TRAPPC9: variants seen among roughly 807,000 people sequenced by gnomAD.
The protein encoded by TRAPPC9 is IKK2 binding protein.
Under a neutral mutation model 124.0 loss-of-function variants are expected in TRAPPC9, and 83 were observed. The observed-to-expected ratio is 0.67, with a 90% CI of 0.56 to 0.80. The LOEUF is 0.80. TRAPPC9 is among the 30% of genes least tolerant of loss of function. The pLI is 0.00. For missense variants in TRAPPC9, 1,302 were observed against 1,508.3 expected (o/e 0.86, Z 2.27); for synonymous variants, 638 against 617.5 (o/e 1.03, Z -0.49).
intron 16 of TRAPPC9, among the ~76,000 whole-genome samples, chr8:140,236,099 T>G (rs7837184): frequency 7.0e-6 from 1 of 141,930 alleles, no homozygotes; most frequent in Non-Finnish European, 1.5e-5. Context: ...TTTTTTTTTT[T>G]TGAGACAGAG....
chr8:139,759,441 T>C (rs897974740), intron 21 of TRAPPC9, among the ~76,000 whole-genome samples: 2 of 152,130 alleles, frequency 1.3e-5, no homozygotes, highest in African/African-American at 4.8e-5. Context: ...TTGGCCAGGC[T>C]GAAAGGTCAA....
intron 16 of TRAPPC9, among the ~76,000 whole-genome samples, chr8:140,225,275 A>G (rs940486175): frequency 6.6e-6 from 1 of 152,198 alleles, no homozygotes; most frequent in Non-Finnish European, 1.5e-5. Flanking sequence ...AGCCCTCAGT[A>G]AATAGTAACT....
At chr8:140,445,265 C>T (rs2071203286) in intron 2 of TRAPPC9, among the ~76,000 whole-genome samples, 1 of 152,214 alleles carries the variant, frequency 6.6e-6, no homozygotes, top group South Asian at 2.1e-4. Context: ...AAGTATATCA[C>T]AGCTTCGTGC....
At chr8:139,754,743 C>A (rs1819581220) in intron 21 of TRAPPC9, among the ~76,000 whole-genome samples, 1 of 152,214 alleles carries the variant, frequency 6.6e-6, no homozygotes, top group South Asian at 2.1e-4. Flanking sequence ...TCCAGAGACG[C>A]CCCCACCCCG....
chr8:140,072,519 A>G (rs1356070582), intron 17 of TRAPPC9, among the ~76,000 whole-genome samples: 3 of 142,102 alleles, frequency 2.1e-5, no homozygotes, highest in Non-Finnish European at 4.7e-5. Context: ...CTCCGTCTCA[A>G]AAAAAAAAGG....
intron 20 of TRAPPC9, among the ~76,000 whole-genome samples, chr8:139,895,305 A>G (rs1830598781): frequency 6.6e-6 from 1 of 152,228 alleles, no homozygotes; most frequent in African/African-American, 2.4e-5. Context: ...ATTGCCTATG[A>G]AATAATATGA....
At chr8:139,865,240 C>A (rs1478411053) in intron 21 of TRAPPC9, among the ~76,000 whole-genome samples, 1 of 152,204 alleles carries the variant, frequency 6.6e-6, no homozygotes, top group African/African-American at 2.4e-5. Flanking sequence ...TCTCCCACAG[C>A]AGAAGGAATC....
intron 17 of TRAPPC9, among the ~76,000 whole-genome samples, chr8:140,103,684 C>A (rs968139981): frequency 2.4e-4 from 36 of 152,192 alleles, no homozygotes; most frequent in African/African-American, 7.0e-4. Context: ...ACTAATGATA[C>A]CTTCATGACT....
chr8:140,199,246 T>G (rs1171990842), intron 17 of TRAPPC9, among the ~76,000 whole-genome samples: 1 of 152,016 alleles, frequency 6.6e-6, no homozygotes, highest in African/African-American at 2.4e-5. Context: ...GGGTCTGTAT[T>G]TCCGACAGGT....
chr8:140,186,671 C>T (rs2062361560), intron 17 of TRAPPC9, among the ~76,000 whole-genome samples: 1 of 152,078 alleles, frequency 6.6e-6, no homozygotes, highest in Admixed American at 6.6e-5. Flanking sequence ...GTATACTTCA[C>T]CAAATACGAG....
chr8:139,893,274 T>C (rs1830459807), intron 20 of TRAPPC9, among the ~76,000 whole-genome samples: 1 of 152,218 alleles, frequency 6.6e-6, no homozygotes, highest in Admixed American at 6.5e-5. Context: ...GCCGCAGACC[T>C]GGACGCACCC....
rs189103762 is a variant in TRAPPC9, at chr8:139,819,814, C to A, written c.3055+66065G>T. Among the ~76,000 whole-genome samples the A allele has an allele frequency of 4.7e-3, 710 of 151,898 alleles. 2 individuals are homozygous for A. The highest frequency in any genetic ancestry group is 0.014 in the Middle Eastern group (4 of 292). On this transcript the variant is annotated intron_variant, in intron 21 of 22. Transcript: ENST00000438773. ...GGATCATGAGGTCAGGAGATCAAGA[C>A]CATCCTGGCTAACACAGTGAAACCC...
At chr8:140,079,728 G>C (rs1012565437) in intron 17 of TRAPPC9, among the ~76,000 whole-genome samples, 6 of 152,186 alleles carry the variant, frequency 3.9e-5, no homozygotes, top group African/African-American at 1.4e-4. Context: ...TCAGGAGTTT[G>C]AGACCAGCCT....
At chr8:140,379,412 G>A (rs996964279) in intron 7 of TRAPPC9, among the ~76,000 whole-genome samples, 2 of 152,196 alleles carry the variant, frequency 1.3e-5, no homozygotes, top group Admixed American at 6.5e-5. Flanking sequence ...GTGAAGGTGT[G>A]TGTGTGGATG....
chr8:140,321,450 A>C (rs971435630), intron 9 of TRAPPC9, among the ~76,000 whole-genome samples: 2 of 152,258 alleles, frequency 1.3e-5, no homozygotes, highest in African/African-American at 4.8e-5. Flanking sequence ...TTGCGCACTA[A>C]CAATGAGAAT....
intron 21 of TRAPPC9, among the ~76,000 whole-genome samples, chr8:139,766,873 G>A (rs1278292105): frequency 2.0e-5 from 3 of 152,242 alleles, no homozygotes; most frequent in East Asian, 1.9e-4. Context: ...TTCTCCTGAG[G>A]GAATTGCTGT....
chr8:139,953,528 A>G (rs948491067), intron 19 of TRAPPC9, among the ~76,000 whole-genome samples: 1 of 152,182 alleles, frequency 6.6e-6, no homozygotes, highest in Admixed American at 6.5e-5. Flanking sequence ...AAAGGAAAAA[A>G]TTTCCTAGAA....
rs779077167 is a variant in TRAPPC9 at position 140,435,166 on chromosome 8, G to C, written c.805C>G (p.Arg269Gly). Residue 269 changes from arginine (R) to glycine (G), a missense_variant, in exon 4 of 23, where the codon CGG becomes GGG. Physicochemically the swap from Arg to Gly is moderately radical, Grantham distance 125 (BLOSUM62 -2). Around this residue, in one of 3 missense-constraint regions of TRAPPC9, gnomAD observed 657 missense variants for 811.2 expected, o/e 0.81. Transcript: ENST00000438773. Reference protein sequence around the residue: ...PGGTGGKSGARRFQGSTLPAE... With the variant: ...PGGTGGKSGAGRFQGSTLPAE... ...GGAAGGGTGCTGCCCTGGAACCTCC[G>C]AGCTCCACTCTTCCCACCAGTTCCA... is the stretch of plus-strand genomic sequence containing the variant. 7 of 1,613,938 alleles carry C rather than the reference G, an allele frequency of 4.3e-6. No homozygotes were observed. The highest frequency in any genetic ancestry group is 1.1e-5 in the South Asian group (1 of 91,080).
chr8:140,128,793 A>G (rs1364710827), intron 17 of TRAPPC9, among the ~76,000 whole-genome samples: 1 of 152,074 alleles, frequency 6.6e-6, no homozygotes, highest in Non-Finnish European at 1.5e-5. Flanking sequence ...TGCCTCAGTT[A>G]CACCCTCCTG....
Sources: gnomAD v4.1 joint callset for allele counts (sites outside exome capture counted in the v4.1 genomes callset) on GRCh38, gnomAD v4.1.1 for gene constraint, gnomAD v4.1.1 regional missense constraint, MANE v1.5 for transcripts, NCBI Gene and HGNC (gene_info 2026-07-23, HGNC 2026-07-21) for gene names.